Variants in HIP1 observed in about 807,000 individuals in gnomAD.
HIP1 encodes huntingtin-interacting protein 1.
Under a neutral mutation model 147.6 loss-of-function variants are expected in HIP1, and 65 were observed. The observed-to-expected ratio is 0.44, with a 90% CI of 0.36 to 0.54. The LOEUF is 0.54. HIP1 is among the 20% of genes least tolerant of loss of function. The probability of loss-of-function intolerance (pLI) is 0.00; values close to 1 mark genes in which losing one functional copy is unlikely to be tolerated. For missense variants in HIP1, 1,061 were observed against 1,299.6 expected (o/e 0.82, Z 2.82); for synonymous variants, 479 against 504.0 (o/e 0.95, Z 0.67).
intron 1 of HIP1, among the ~76,000 whole-genome samples, chr7:75,600,420 C>T (rs1372329514): frequency 6.6e-6 from 1 of 152,086 alleles, no homozygotes; most frequent in Non-Finnish European, 1.5e-5. Flanking sequence ...CAAATCATAA[C>T]TCTTTTTAAT....
chr7:75,541,707 A>T (rs1457142144), intron 29 of HIP1, among the ~76,000 whole-genome samples: 1 of 131,244 alleles, frequency 7.6e-6, no homozygotes, highest in Non-Finnish European at 1.6e-5. Context: ...AAAAAGAAAA[A>T]AAACAAAACA....
At chr7:75,674,086 C>T (rs1458102796) in intron 1 of HIP1, among the ~76,000 whole-genome samples, 1 of 152,076 alleles carries the variant, frequency 6.6e-6, no homozygotes, top group Non-Finnish European at 1.5e-5. Context: ...TAATAGAAAA[C>T]TTTGTCATGT....
intron 1 of HIP1, among the ~76,000 whole-genome samples, chr7:75,640,862 G>A (rs1406685637): frequency 6.6e-6 from 1 of 152,218 alleles, no homozygotes; most frequent in South Asian, 2.1e-4. Flanking sequence ...CCCACATGAA[G>A]GGGCCCTGAG....
chr7:75,609,382 T>A (rs1199937435), intron 1 of HIP1, among the ~76,000 whole-genome samples: 1 of 152,108 alleles, frequency 6.6e-6, no homozygotes, highest in Admixed American at 6.6e-5. Context: ...TGTCAGATAC[T>A]GAGGGGTTTC....
rs1188200441 is a variant in HIP1, at chr7:75,689,350, C to T, written c.120+49451G>A. Reference sequence around the variant, plus strand: ...GTGAAATGTCGTCTCTACTAAAAATCCAAAAATTAGCTGGGTATGGGAGTG... The same window carrying T: ...GTGAAATGTCGTCTCTACTAAAAATTCAAAAATTAGCTGGGTATGGGAGTG... On this transcript the variant is annotated intron_variant, in intron 1 of 30. Transcript: ENST00000336926. 2.6e-5 allele frequency among the ~76,000 whole-genome samples: 4 copies of T among 151,908 alleles called. No homozygotes were observed. The East Asian group carries it at 7.7e-4, about 29-fold the overall frequency.
At chr7:75,657,876 C>G (rs182658217) in intron 1 of HIP1, among the ~76,000 whole-genome samples, 1 of 151,888 alleles carries the variant, frequency 6.6e-6, no homozygotes, top group South Asian at 2.1e-4. Context: ...ACATGTACCC[C>G]CTGAATCTAG....
chr7:75,710,528 A>C (rs1424979130), intron 1 of HIP1, among the ~76,000 whole-genome samples: 1 of 152,178 alleles, frequency 6.6e-6, no homozygotes, highest in Non-Finnish European at 1.5e-5. Context: ...CATCAAATGA[A>C]TTAAGGAGTG....
rs1258075837 is a variant in HIP1, at chr7:75,561,397, G to T, written c.1123C>A (p.His375Asn). The change falls in exon 13 of 31, where the codon CAC becomes AAC. Residue 375 changes from histidine to asparagine, a missense_variant. Coordinates refer to ENST00000336926, the MANE Select transcript of HIP1 (RefSeq NM_005338.7). ...TCTCTGTATAGTCGCTCAATTAAGTGGTCCCTGGGAAGAGAAGGGGAATGA... is the reference window on the plus strand; with the variant it reads ...TCTCTGTATAGTCGCTCAATTAAGTTGTCCCTGGGAAGAGAAGGGGAATGA... Reference protein sequence around the residue: ...QNGVNKDEKDHLIERLYREIS... With the variant: ...QNGVNKDEKDNLIERLYREIS... The T allele has an allele frequency of 6.2e-7, 1 of 1,609,964 alleles. No homozygotes were observed. The highest frequency in any genetic ancestry group is 2.2e-5 in the East Asian group (1 of 44,888).
chr7:75,547,642 C>T (rs1584779104), intron 24 of HIP1, 113 bp downstream of exon 24: 1 of 829,744 alleles, frequency 1.2e-6, no homozygotes, highest in East Asian at 2.4e-5. Context: ...CTCAGCCCTT[C>T]CCCGTGGCTG....
chr7:75,576,687 C>G (rs1005031137), intron 7 of HIP1, among the ~76,000 whole-genome samples: 1 of 152,180 alleles, frequency 6.6e-6, no homozygotes, highest in East Asian at 1.9e-4. Context: ...CCAGCCTGAA[C>G]GACAGAGCAA....
At chr7:75,570,434 G>A (rs1021191899) in intron 8 of HIP1, among the ~76,000 whole-genome samples, 7 of 151,200 alleles carry the variant, frequency 4.6e-5, no homozygotes, top group Non-Finnish European at 8.8e-5. Context: ...TGGGACTACA[G>A]GCGCCCGCCA....
intron 7 of HIP1, among the ~76,000 whole-genome samples, chr7:75,576,723 C>CA (rs1484673659): frequency 6.6e-5 from 10 of 150,966 alleles, no homozygotes; most frequent in Admixed American, 1.3e-4. Flanking sequence ...AAAACAAAAA[C>CA]AAAAAAAACG....
intron 1 of HIP1, chr7:75,639,119 A>G (rs1456892348): frequency 2.0e-6 from 2 of 983,336 alleles, no homozygotes; most frequent in African/African-American, 3.5e-5. Context: ...GCTTCCCCCA[A>G]AGCTGCTCCC....
intron 1 of HIP1, among the ~76,000 whole-genome samples, chr7:75,731,293 G>A (rs1008202726): frequency 8.6e-5 from 13 of 151,316 alleles, no homozygotes; most frequent in African/African-American, 1.5e-4. Flanking sequence ...GACCAGCCTG[G>A]CCAACATGAT....
chr7:75,648,976 T>C lies in HIP1; in HGVS notation c.121-49729A>G, dbSNP rs144017352. ...AGGTGCATGCCACCATGACTGGCTA[T>C]TTTTTATTTTTTTCTTAGAGATGGG... is the stretch of plus-strand genomic sequence containing the variant. On this transcript the variant is annotated intron_variant, in intron 1 of 30. Coordinates refer to ENST00000336926, the MANE Select transcript of HIP1 (RefSeq NM_005338.7). Among the ~76,000 whole-genome samples, 630 of 152,104 alleles carry C rather than the reference T, an allele frequency of 4.1e-3. 4 individuals are homozygous for C. Among genetic ancestry groups the C allele is most frequent in the Middle Eastern group, 0.014 (4 of 294 alleles).
chr7:75,586,889 A>T (rs1365502873), intron 4 of HIP1, 56 bp from the exon 5 acceptor site: 3 of 1,013,210 alleles, frequency 3.0e-6, no homozygotes, highest in African/African-American at 1.6e-5. Context: ...CAGTCAAGAG[A>T]TCTGCAGCCA....
chr7:75,654,844 A>G (rs1009357782), intron 1 of HIP1: 4 of 152,212 alleles, frequency 2.6e-5, no homozygotes, highest in Non-Finnish European at 5.9e-5. Flanking sequence ...GCAAGAGCCC[A>G]TCTCTACAAA....
At position 75,602,802 on chromosome 7, in the gene HIP1, AC is replaced by A. The variant is rs1284332155; in HGVS notation, c.121-3556del. ...CCACAAAAATATATAATCACGCCCA[AC>A]CCCCCCCACCCCGTACCTATGAATA... is the stretch of plus-strand genomic sequence containing the variant. On this transcript the variant is annotated intron_variant, in intron 1 of 30. Coordinates refer to ENST00000336926, the MANE Select transcript of HIP1 (RefSeq NM_005338.7). Among the ~76,000 whole-genome samples the A allele has an allele frequency of 6.6e-5, 9 of 135,534 alleles. No individual in the cohort carries two copies. In the East Asian group the frequency reaches 7.1e-4, roughly 11 times the overall value. The allele number at this position is 135,534 out of a possible 152,430, so 88.9% of individuals were successfully genotyped here.
intron 1 of HIP1, among the ~76,000 whole-genome samples, chr7:75,719,493 G>A (rs1395570398): frequency 2.7e-5 from 4 of 145,736 alleles, no homozygotes; most frequent in Non-Finnish European, 6.0e-5. Context: ...GACAGAGCGA[G>A]ACTCCATCTC....
Sources: allele counts gnomAD v4.1 joint callset (sites outside exome capture counted in the v4.1 genomes callset), GRCh38; gene constraint gnomAD v4.1.1; transcripts MANE v1.5; gene names NCBI Gene and HGNC (gene_info 2026-07-23, HGNC 2026-07-21).